Variants in CADM2 observed in about 807,000 individuals in gnomAD.
CADM2 encodes the protein immunoglobulin superfamily member 4D.
CADM2 carries 12 observed loss-of-function variants against 49.8 expected under a neutral mutation model. The observed-to-expected ratio is 0.24, with a 90% CI of 0.15 to 0.39. The LOEUF (loss-of-function observed/expected upper bound fraction) is 0.39, where lower values mean the gene tolerates loss of function less well. Ranked by LOEUF, CADM2 falls within the 10% of genes least tolerant of loss-of-function variation. The pLI is 1.00. For synonymous variants in CADM2, 214 were observed against 175.4 expected (o/e 1.22, Z -1.74); for missense variants, 378 against 492.3 (o/e 0.77, Z 2.20).
chr3:85,171,482 T>G (rs1330703909), intron 1 of CADM2, among the ~76,000 whole-genome samples: 1 of 152,218 alleles, frequency 6.6e-6, no homozygotes, highest in East Asian at 1.9e-4. Flanking sequence ...ATTTTCACAT[T>G]TAAAGTGCTG....
At chr3:85,080,149 T>C (rs2037109004) in intron 1 of CADM2, among the ~76,000 whole-genome samples, 1 of 152,040 alleles carries the variant, frequency 6.6e-6, no homozygotes, top group Non-Finnish European at 1.5e-5. Context: ...TCAATTAACT[T>C]AAATGATGTA....
intron 3 of CADM2, among the ~76,000 whole-genome samples, chr3:85,826,573 G>A (rs564032039): frequency 6.6e-6 from 1 of 152,090 alleles, no homozygotes; most frequent in African/African-American, 2.4e-5. Context: ...TCTCTCACTT[G>A]CAAGATGAAA....
intron 8 of CADM2, among the ~76,000 whole-genome samples, chr3:86,056,585 G>T (rs1738017857): frequency 6.6e-6 from 1 of 152,164 alleles, no homozygotes; most frequent in Admixed American, 6.5e-5. Context: ...CACGAAATGG[G>T]ACAATCTTCC....
chr3:85,538,443 T>G (rs1205274482), intron 1 of CADM2, among the ~76,000 whole-genome samples: 1 of 105,630 alleles, frequency 9.5e-6, no homozygotes, highest in Non-Finnish European at 2.4e-5. Context: ...GGTTCAGGTC[T>G]TGAAAGTAGC....
At chr3:85,228,803 G>A (rs547926226) in intron 1 of CADM2, among the ~76,000 whole-genome samples, 1 of 152,176 alleles carries the variant, frequency 6.6e-6, no homozygotes, top group South Asian at 2.1e-4. Context: ...CAGGGGTCAG[G>A]GACCCACTTG....
At chr3:85,953,502 C>G (rs1030229896) in intron 7 of CADM2, among the ~76,000 whole-genome samples, 1 of 150,770 alleles carries the variant, frequency 6.6e-6, no homozygotes, top group African/African-American at 2.4e-5. Flanking sequence ...TTCTACTTGT[C>G]AAAATTCTGC....
intron 8 of CADM2, among the ~76,000 whole-genome samples, chr3:85,979,931 A>G (rs910564259): frequency 6.6e-6 from 1 of 151,654 alleles, no homozygotes; most frequent in African/African-American, 2.4e-5. Flanking sequence ...TTTATTTCAA[A>G]GAAATCAACC....
At chr3:85,070,038 C>A (rs570041750) in intron 1 of CADM2, among the ~76,000 whole-genome samples, 2 of 152,106 alleles carry the variant, frequency 1.3e-5, no homozygotes, top group South Asian at 4.2e-4. Context: ...TCAACTTCTT[C>A]GAATTTTTTG....
chr3:85,425,412 G>T (rs1424355636), intron 1 of CADM2, among the ~76,000 whole-genome samples: 1 of 152,098 alleles, frequency 6.6e-6, no homozygotes, highest in Non-Finnish European at 1.5e-5. Flanking sequence ...GCTACACAGT[G>T]TTATTTCCAT....
chr3:86,065,482 G>T lies in CADM2; in HGVS notation c.971-123G>T, dbSNP rs1739196164. On this transcript the variant is annotated intron_variant, in intron 8 of 9. Transcript: ENST00000383699. ...TTGTTCACAGGATGACTGGTGTAATGCACGTTAATGTATTATTTAACAGAA... is the reference window on the plus strand; with the variant it reads ...TTGTTCACAGGATGACTGGTGTAATTCACGTTAATGTATTATTTAACAGAA... 6 of 928,310 alleles carry T rather than the reference G, an allele frequency of 6.5e-6. No individual in the cohort carries two copies. In the South Asian group the frequency reaches 1.1e-4, roughly 17 times the overall value. 57.5% of individuals were successfully genotyped at this position (928,310 alleles called of 1,614,324 possible).
chr3:85,356,697 A>C (rs866662668), intron 1 of CADM2, among the ~76,000 whole-genome samples: 2 of 152,162 alleles, frequency 1.3e-5, no homozygotes, highest in African/African-American at 4.8e-5. Flanking sequence ...AGAATGTTCA[A>C]ATGCTATGCA....
chr3:85,290,367 C>A (rs905549715), intron 1 of CADM2, among the ~76,000 whole-genome samples: 22 of 152,178 alleles, frequency 1.4e-4, no homozygotes, highest in African/African-American at 4.8e-4. Context: ...GGGGGAGGGG[C>A]GCCCGCCATT....
At chr3:85,580,365 G>C (rs2062760780) in intron 1 of CADM2, among the ~76,000 whole-genome samples, 1 of 152,062 alleles carries the variant, frequency 6.6e-6, no homozygotes, top group Non-Finnish European at 1.5e-5. Context: ...CCTTTCCGAT[G>C]CATCTTAGTT....
At position 85,584,311 on chromosome 3, in the gene CADM2, T is replaced by C. The variant is rs115955552; in HGVS notation, c.62-142211T>C. On this transcript the variant is annotated intron_variant, in intron 1 of 9. Transcript: ENST00000383699. Reference sequence around the variant, plus strand: ...TGGGAGCATTCTGTATATTTCAGTCTAGAGGAAATTAATCCCTCTACCTTA... The same window carrying C: ...TGGGAGCATTCTGTATATTTCAGTCCAGAGGAAATTAATCCCTCTACCTTA... Among the ~76,000 whole-genome samples, 1,380 of 152,188 alleles carry C rather than the reference T, an allele frequency of 9.1e-3. 22 individuals are homozygous for C. The highest frequency in any genetic ancestry group is 0.03 in the African/African-American group (1,251 of 41,546).
chr3:85,438,662 C>G (rs2037044446), intron 1 of CADM2, among the ~76,000 whole-genome samples: 1 of 151,786 alleles, frequency 6.6e-6, no homozygotes, highest in Admixed American at 6.6e-5. Context: ...CTTTCCTTTC[C>G]TTTTCATTTT....
intron 1 of CADM2, among the ~76,000 whole-genome samples, chr3:85,122,383 C>A (rs1444934126): frequency 2.0e-5 from 3 of 152,078 alleles, no homozygotes; most frequent in Admixed American, 2.0e-4. Flanking sequence ...ATACTATACA[C>A]CAGGCACAAC....
chr3:85,514,150 G>T (rs1000333969), intron 1 of CADM2, among the ~76,000 whole-genome samples: 3 of 151,758 alleles, frequency 2.0e-5, no homozygotes, highest in Non-Finnish European at 4.4e-5. Flanking sequence ...GTTCTTGGAG[G>T]ATTAATGAAA....
chr3:85,169,870 G>C (rs764133700), intron 1 of CADM2, among the ~76,000 whole-genome samples: 6 of 152,092 alleles, frequency 3.9e-5, no homozygotes, highest in Non-Finnish European at 8.8e-5. Flanking sequence ...TGAGAAAACA[G>C]CTCATCAAAC....
At chr3:85,562,273 A>T (rs1424852994) in intron 1 of CADM2, among the ~76,000 whole-genome samples, 4 of 151,998 alleles carry the variant, frequency 2.6e-5, no homozygotes, top group Non-Finnish European at 4.4e-5. Context: ...TGAGGTCGGG[A>T]GTTCGAGACC....
Sources: allele counts gnomAD v4.1 joint callset (sites outside exome capture counted in the v4.1 genomes callset), GRCh38; gene constraint gnomAD v4.1.1; transcripts MANE v1.5; gene names NCBI Gene and HGNC (gene_info 2026-07-23, HGNC 2026-07-21).